Variants in STPG2 observed in about 807,000 individuals in gnomAD.
STPG2 encodes the protein sperm-tail PG-rich repeat-containing protein 2.
In STPG2, 56 loss-of-function variants were observed where a neutral mutation model predicts 54.2. The ratio of observed to expected loss-of-function variants is 1.03; its 90% CI spans 0.83 to 1.29. The LOEUF (loss-of-function observed/expected upper bound fraction) is 1.29. Ranked by LOEUF, STPG2 falls within the 50% of genes most tolerant of loss-of-function variation. The probability of loss-of-function intolerance (pLI) is 0.00; values close to 1 mark genes in which losing one functional copy is unlikely to be tolerated. For synonymous variants in STPG2, 200 were observed against 181.8 expected, an observed-to-expected ratio of 1.10 and a Z score of -0.81; for missense variants, 596 against 544.9, an observed-to-expected ratio of 1.09 and a Z score of -0.93.
At chr4:97,498,899 A>G (rs1049096222) in intron 4 of STPG2, among the ~76,000 whole-genome samples, 1 of 152,012 alleles carries the variant, frequency 6.6e-6, no homozygotes, top group African/African-American at 2.4e-5. Flanking sequence ...CAGAATATGC[A>G]GCCAGAAAAA....
At chr4:97,839,029 T>C (rs1317488114) in intron 9 of STPG2, among the ~76,000 whole-genome samples, 2 of 151,600 alleles carry the variant, frequency 1.3e-5, no homozygotes, top group Non-Finnish European at 3.0e-5. Context: ...GTACAGTGAC[T>C]TTGACAGTCA....
intron 10 of STPG2, among the ~76,000 whole-genome samples, chr4:97,674,926 T>A (rs1026621737): frequency 6.6e-6 from 1 of 152,200 alleles, no homozygotes; most frequent in Non-Finnish European, 1.5e-5. Flanking sequence ...TCTTACTAAC[T>A]GTTATTACCT....
intron 4 of STPG2, among the ~76,000 whole-genome samples, chr4:97,459,670 T>G (rs1211542908): frequency 6.6e-6 from 1 of 152,102 alleles, no homozygotes; most frequent in East Asian, 1.9e-4. Flanking sequence ...CTCGATCTCC[T>G]GACCTCGTGA....
intron 10 of STPG2, among the ~76,000 whole-genome samples, chr4:97,642,957 T>A (rs543356744): frequency 6.6e-6 from 1 of 151,652 alleles, no homozygotes; most frequent in South Asian, 2.1e-4. Flanking sequence ...TAAAGCAATA[T>A]TAACCACGAC....
intron 8 of STPG2, among the ~76,000 whole-genome samples, chr4:97,924,797 G>T (rs1421843317): frequency 6.6e-6 from 1 of 152,046 alleles, no homozygotes; most frequent in East Asian, 1.9e-4. Context: ...TTGCATCAGG[G>T]ACCTTAAATT....
intron 10 of STPG2, among the ~76,000 whole-genome samples, chr4:97,679,717 T>C (rs1456435679): frequency 6.6e-6 from 1 of 152,072 alleles, no homozygotes; most frequent in Non-Finnish European, 1.5e-5. Context: ...TATGTCCTGA[T>C]TGGTAATGCC....
intron 4 of STPG2, among the ~76,000 whole-genome samples, chr4:97,485,660 C>T (rs912291155): frequency 1.3e-5 from 2 of 151,560 alleles, no homozygotes; most frequent in Non-Finnish European, 3.0e-5. Context: ...TCAAAGCAAT[C>T]CCCATCAAAA....
intron 10 of STPG2, among the ~76,000 whole-genome samples, chr4:97,594,285 TA>T (rs1266255890): frequency 6.6e-6 from 1 of 152,048 alleles, no homozygotes; most frequent in Non-Finnish European, 1.5e-5. Context: ...AAACACAAAA[TA>T]ACCATTTTAA....
At chr4:97,848,975 C>T (rs1426656165) in intron 8 of STPG2, among the ~76,000 whole-genome samples, 15 of 148,378 alleles carry the variant, frequency 1.0e-4, no homozygotes, top group African/African-American at 2.3e-4. Context: ...ATTGACTTGG[C>T]GATGTGGGCT....
chr4:97,523,648 C>T (rs1223822061), intron 4 of STPG2, among the ~76,000 whole-genome samples: 1 of 151,840 alleles, frequency 6.6e-6, no homozygotes, highest in African/African-American at 2.4e-5. Flanking sequence ...CACCAGATTC[C>T]ACTTGTAAAA....
At chr4:97,669,525 G>A (rs1482011319) in intron 10 of STPG2, among the ~76,000 whole-genome samples, 1 of 26,384 alleles carries the variant, frequency 3.8e-5, no homozygotes, top group Non-Finnish European at 6.9e-5. Context: ...GGCCGGGCGC[G>A]GTGGCTCACG....
At chr4:97,937,946 C>A (rs1732810863) in intron 8 of STPG2, among the ~76,000 whole-genome samples, 1 of 152,166 alleles carries the variant, frequency 6.6e-6, no homozygotes, top group African/African-American at 2.4e-5. Context: ...GGGGCAAACC[C>A]ACTCATCTGG....
At chr4:97,921,624 C>A (rs948135018) in intron 8 of STPG2, among the ~76,000 whole-genome samples, 22 of 151,966 alleles carry the variant, frequency 1.4e-4, no homozygotes, top group African/African-American at 5.3e-4. Flanking sequence ...AAAAAACCTA[C>A]AAGACATATA....
chr4:97,710,947 A>G (rs1431748253), intron 10 of STPG2, among the ~76,000 whole-genome samples: 1 of 151,918 alleles, frequency 6.6e-6, no homozygotes, highest in East Asian at 1.9e-4. Flanking sequence ...ACAACAATAT[A>G]AAACCCATAA....
chr4:97,945,187 G>C (rs993747134), intron 7 of STPG2, among the ~76,000 whole-genome samples: 1 of 151,988 alleles, frequency 6.6e-6, no homozygotes, highest in African/African-American at 2.4e-5. Flanking sequence ...CCAATAAGTA[G>C]TTTTTTATCC....
At chr4:97,605,358 A>G (rs1043990541) in intron 10 of STPG2, among the ~76,000 whole-genome samples, 1 of 151,844 alleles carries the variant, frequency 6.6e-6, no homozygotes, top group South Asian at 2.1e-4. Context: ...AGTTTAAAAT[A>G]TGCTTTCATG....
At chr4:97,688,332 G>GA (rs1281113187) in intron 10 of STPG2, among the ~76,000 whole-genome samples, 1 of 152,064 alleles carries the variant, frequency 6.6e-6, no homozygotes, top group Non-Finnish European at 1.5e-5. Flanking sequence ...AAACAATTCA[G>GA]AGTTTTTTGA....
chr4:97,893,037 A>T (rs1730831025), intron 8 of STPG2: 1 of 152,184 alleles, frequency 6.6e-6, no homozygotes, highest in Non-Finnish European at 1.5e-5. Context: ...CATGTCTGAA[A>T]GTCCACAACC....
At chr4:97,716,960 T>G (rs1414755573) in intron 9 of STPG2, among the ~76,000 whole-genome samples, 2 of 152,270 alleles carry the variant, frequency 1.3e-5, no homozygotes, top group Middle Eastern at 3.4e-3. Flanking sequence ...AGAAAGTTTA[T>G]ACATTTATGG....
Sources: allele counts gnomAD v4.1 joint callset (sites outside exome capture counted in the v4.1 genomes callset), GRCh38; gene constraint gnomAD v4.1.1; transcripts MANE v1.5; gene names NCBI Gene and HGNC (gene_info 2026-07-23, HGNC 2026-07-21).